The following ETNK1 variants were observed in gnomAD, a reference collection of about 807,000 sequenced individuals.
ETNK1 encodes the protein ethanolamine kinase 1.
ETNK1 carries 8 observed loss-of-function variants against 45.1 expected under a neutral mutation model. The ratio of observed to expected loss-of-function variants is 0.18; its 90% CI spans 0.10 to 0.32. The LOEUF is 0.32. ETNK1 is among the 10% of genes least tolerant of loss of function. The pLI is 1.00. For missense variants in ETNK1, 302 were observed against 430.6 expected (o/e 0.70, Z 2.64); for synonymous variants, 152 against 151.9 (o/e 1.00, Z -0.01).
intron 6 of ETNK1, among the ~76,000 whole-genome samples, chr12:22,675,765 T>C (rs1430220308): frequency 1.3e-5 from 2 of 152,226 alleles, no homozygotes; most frequent in Non-Finnish European, 1.5e-5. Flanking sequence ...ACAACAGATA[T>C]ATTAATAAAT....
rs773777857 is a variant in ETNK1 at position 22,673,481 on chromosome 12, A to G, written c.785-19A>G. 3.9e-6 allele frequency: 6 copies of G among 1,539,912 alleles called. No individual in the cohort carries two copies. Among genetic ancestry groups the G allele is most frequent in the Middle Eastern group, 3.5e-4 (2 of 5,734 alleles). ...TTTATGTTTTAAAATTTTTGAGTGT[A>G]GTTTTTTTTCTTCTAAAGGTGTGAG... On this transcript the variant is annotated intron_variant, in intron 5 of 7. Transcript: ENST00000266517.
rs867509049 is a variant in ETNK1, at chr12:22,680,897, C to T, written c.946-3586C>T. On this transcript the variant is annotated intron_variant, in intron 6 of 7. Coordinates refer to ENST00000266517, the MANE Select transcript of ETNK1 (RefSeq NM_018638.5). ...GCTTTGTGGAGCTTTTCTTCCCCCG[C>T]CCCCCCCTCCATTATATGCACACTG... Among the ~76,000 whole-genome samples the T allele has an allele frequency of 1.3e-4, 5 of 38,226 alleles. 2 individuals carry two copies. Among genetic ancestry groups the T allele is most frequent in the East Asian group, 4.9e-4 (1 of 2,028 alleles). 25.1% of individuals were successfully genotyped at this position (38,226 alleles called of 152,430 possible). A position where few individuals can be genotyped will look rare whatever the true frequency, so the allele number is the denominator to read the frequency against.
At chr12:22,662,766 G>A (rs540698790) in intron 4 of ETNK1, among the ~76,000 whole-genome samples, 1 of 152,160 alleles carries the variant, frequency 6.6e-6, no homozygotes, top group Non-Finnish European at 1.5e-5. Flanking sequence ...TTGTGCTGTT[G>A]TAAATATAGT....
intron 4 of ETNK1, among the ~76,000 whole-genome samples, chr12:22,662,984 T>C (rs1030162450): frequency 3.3e-5 from 5 of 152,212 alleles, no homozygotes; most frequent in African/African-American, 1.2e-4. Flanking sequence ...TTGTTTGATA[T>C]TTCAATGTTG....
chr12:22,626,568 A>G (rs1038968142), intron 1 of ETNK1, among the ~76,000 whole-genome samples: 3 of 152,182 alleles, frequency 2.0e-5, no homozygotes, highest in Non-Finnish European at 2.9e-5. Context: ...TTGTTGATTT[A>G]TTTGCTAAAT....
intron 2 of ETNK1, among the ~76,000 whole-genome samples, chr12:22,648,861 G>A (rs1953839715): frequency 6.6e-6 from 1 of 152,046 alleles, no homozygotes; most frequent in Non-Finnish European, 1.5e-5. Flanking sequence ...AGTTGCTGTT[G>A]CTCCACATCC....
At chr12:22,665,376 C>A (rs900650630) in intron 4 of ETNK1, among the ~76,000 whole-genome samples, 2 of 152,136 alleles carry the variant, frequency 1.3e-5, no homozygotes, top group Non-Finnish European at 2.9e-5. Context: ...TATTGATAGT[C>A]TAGAACTTTA....
chr12:22,662,969 AT>A (rs1359348708), intron 4 of ETNK1, among the ~76,000 whole-genome samples: 1 of 152,152 alleles, frequency 6.6e-6, no homozygotes, highest in African/African-American at 2.4e-5. Context: ...ATATTTGAGA[AT>A]TTTTTGTTTG....
At chr12:22,682,239 C>T (rs1215418649) in intron 6 of ETNK1, 1 of 463,482 alleles carries the variant, frequency 2.2e-6, no homozygotes, top group East Asian at 5.7e-5. Context: ...AGCTGTTAAG[C>T]TCACAGAATC....
chr12:22,637,424 A>AT (rs1372077136), intron 1 of ETNK1, among the ~76,000 whole-genome samples: 1 of 152,138 alleles, frequency 6.6e-6, no homozygotes, highest in African/African-American at 2.4e-5. Flanking sequence ...TTTATCAGTG[A>AT]TTTTCAACCT....
In ETNK1 at chr12:22,647,380, A is replaced by G. The variant is rs1240361958; in HGVS notation, c.416+3358A>G. 3.3e-5 allele frequency among the ~76,000 whole-genome samples: 5 copies of G among 152,018 alleles called. No homozygotes were observed. In the East Asian group the frequency reaches 9.7e-4, roughly 29 times the overall value. ...CACCTTGTGGGTTGTGTGCATGTACAGTTGGTAGTGTTTTCTTTTGGAAAT... is the reference window on the plus strand; with the variant it reads ...CACCTTGTGGGTTGTGTGCATGTACGGTTGGTAGTGTTTTCTTTTGGAAAT... On this transcript the variant is annotated intron_variant, in intron 2 of 7. Coordinates refer to ENST00000266517, the MANE Select transcript of ETNK1 (RefSeq NM_018638.5).
intron 2 of ETNK1, among the ~76,000 whole-genome samples, chr12:22,648,103 A>G (rs1953829443): frequency 1.3e-5 from 2 of 151,918 alleles, no homozygotes; most frequent in African/African-American, 4.8e-5. Flanking sequence ...AGCAAAACTG[A>G]GGGGAAGGTA....
intron 2 of ETNK1, among the ~76,000 whole-genome samples, chr12:22,646,348 A>C (rs1371313864): frequency 1.3e-5 from 2 of 151,800 alleles, no homozygotes; most frequent in Non-Finnish European, 3.0e-5. Flanking sequence ...GTACGGTGAA[A>C]TACTTCTAAA....
chr12:22,680,747 C>T (rs1194814886), intron 6 of ETNK1, among the ~76,000 whole-genome samples: 2 of 152,094 alleles, frequency 1.3e-5, no homozygotes, highest in Non-Finnish European at 2.9e-5. Context: ...ATGTTGATTG[C>T]TCAGGCCATG....
intron 6 of ETNK1, 135 bp from the exon 7 acceptor site, chr12:22,684,348 A>G (rs2271097): frequency 0.089 from 56,075 of 628,604 alleles, 2,986 homozygotes; most frequent in South Asian, 0.15. Flanking sequence ...TCTAGGTTTT[A>G]GACGCTTTAT....
chr12:22,651,954 G>A (rs1471236502), intron 2 of ETNK1, among the ~76,000 whole-genome samples: 1 of 152,052 alleles, frequency 6.6e-6, no homozygotes, highest in Admixed American at 6.6e-5. Context: ...CCAAAATGCT[G>A]GGATTACAGG....
intron 2 of ETNK1, among the ~76,000 whole-genome samples, chr12:22,655,209 T>C (rs12317627): frequency 0.047 from 7,115 of 151,924 alleles, 537 homozygotes; most frequent in African/African-American, 0.16. Flanking sequence ...CTCAGGTGAT[T>C]CATCCACCTT....
intron 2 of ETNK1, among the ~76,000 whole-genome samples, chr12:22,650,493 C>T (rs80152600): frequency 1.5e-4 from 23 of 151,912 alleles, no homozygotes; most frequent in Non-Finnish European, 2.9e-4. Context: ...ATAATGAGTG[C>T]TAGATTTTGC....
At chr12:22,655,551 G>C (rs777948052) in intron 2 of ETNK1, among the ~76,000 whole-genome samples, 3 of 152,046 alleles carry the variant, frequency 2.0e-5, no homozygotes, top group Non-Finnish European at 4.4e-5. Flanking sequence ...TGGCCAGGCT[G>C]GTCTTGAACT....
Sources: gnomAD v4.1 joint callset for allele counts (sites outside exome capture counted in the v4.1 genomes callset) on GRCh38, gnomAD v4.1.1 for gene constraint, MANE v1.5 for transcripts, NCBI Gene and HGNC (gene_info 2026-07-23, HGNC 2026-07-21) for gene names.